CTNNA2: variants seen among roughly 807,000 people sequenced by gnomAD.
CTNNA2 encodes the protein catenin alpha-2.
CTNNA2 carries 42 observed loss-of-function variants against 101.0 expected under a neutral mutation model. The observed-to-expected ratio is 0.42, with a 90% CI of 0.32 to 0.54. CTNNA2 has a LOEUF of 0.54. CTNNA2 is among the 20% of genes least tolerant of loss of function. CTNNA2 has a pLI of 0.14. For missense variants in CTNNA2, 871 were observed against 1,223.1 expected, an observed-to-expected ratio of 0.71 and a Z score of 4.29; for synonymous variants, 450 against 456.4, an observed-to-expected ratio of 0.99 and a Z score of 0.18.
intron 7 of CTNNA2, among the ~76,000 whole-genome samples, chr2:79,978,750 A>T (rs1691047422): frequency 6.6e-6 from 1 of 152,208 alleles, no homozygotes. Flanking sequence ...TTCCTAGAGC[A>T]AAATAGTATT....
At chr2:79,242,086 T>G (rs1350515675) in intron 2 of CTNNA2, among the ~76,000 whole-genome samples, 1 of 152,048 alleles carries the variant, frequency 6.6e-6, no homozygotes, top group African/African-American at 2.4e-5. Flanking sequence ...TTTGTATTTT[T>G]TAGTAGAGAC....
chr2:80,436,918 T>C (rs528536120), intron 9 of CTNNA2, among the ~76,000 whole-genome samples: 2 of 152,262 alleles, frequency 1.3e-5, no homozygotes, highest in South Asian at 4.1e-4. Context: ...AGTCAGACAA[T>C]AGCACTCCTC....
At chr2:80,354,960 C>G (rs1170659026) in intron 7 of CTNNA2, among the ~76,000 whole-genome samples, 2 of 152,092 alleles carry the variant, frequency 1.3e-5, no homozygotes, top group Non-Finnish European at 2.9e-5. Context: ...CACTCTAATA[C>G]CTTGTACAGG....
At chr2:80,581,860 C>T (rs199701407) in intron 14 of CTNNA2, 41 bp downstream of exon 14, 19 of 1,161,858 alleles carry the variant, frequency 1.6e-5, no homozygotes, top group African/African-American at 7.5e-5. Context: ...ACACAGGGAC[C>T]GTGTTTACTA....
At chr2:80,599,813 G>T (rs1573414045) in intron 15 of CTNNA2, among the ~76,000 whole-genome samples, 1 of 151,362 alleles carries the variant, frequency 6.6e-6, no homozygotes. Context: ...TAGGGTACAC[G>T]TGCACAATGT....
chr2:80,137,529 G>A (rs533000332), intron 7 of CTNNA2, among the ~76,000 whole-genome samples: 5 of 152,200 alleles, frequency 3.3e-5, no homozygotes, highest in South Asian at 2.1e-4. Context: ...CTGGACTAGG[G>A]AGGTAATGGG....
intron 7 of CTNNA2, among the ~76,000 whole-genome samples, chr2:80,126,065 ATACTCCT>A (rs1179660510): frequency 6.6e-6 from 1 of 152,114 alleles, no homozygotes; most frequent in African/African-American, 2.4e-5. Flanking sequence ...ACATTTCCCC[ATACTCCT>A]ATATAGATTT....
chr2:79,492,733 C>T (rs1671216970), intron 4 of CTNNA2, among the ~76,000 whole-genome samples: 1 of 152,112 alleles, frequency 6.6e-6, no homozygotes, highest in Non-Finnish European at 1.5e-5. Context: ...TCCTTTGAGA[C>T]CATTATTGCC....
At chr2:79,879,331 A>T (rs1683251068) in intron 6 of CTNNA2, among the ~76,000 whole-genome samples, 1 of 151,520 alleles carries the variant, frequency 6.6e-6, no homozygotes, top group Admixed American at 6.6e-5. Context: ...AATTTAAAGT[A>T]GTTTCTTTTT....
chr2:79,422,450 A>G (rs182322776), intron 4 of CTNNA2, among the ~76,000 whole-genome samples: 219 of 152,270 alleles, frequency 1.4e-3, no homozygotes, highest in African/African-American at 4.9e-3. Context: ...CTCCACAAAA[A>G]TCTTATCCAG....
At chr2:80,321,056 A>T (rs1678626779) in intron 7 of CTNNA2, among the ~76,000 whole-genome samples, 1 of 152,244 alleles carries the variant, frequency 6.6e-6, no homozygotes, top group Admixed American at 6.5e-5. Context: ...TAAAGTTTTT[A>T]AAATATGCTA....
chr2:79,664,202 CAT>C (rs1682237064), intron 2 of CTNNA2, among the ~76,000 whole-genome samples: 1 of 152,160 alleles, frequency 6.6e-6, no homozygotes, highest in South Asian at 2.1e-4. Context: ...CATGTGTCCA[CAT>C]AGACAAAATT....
intron 1 of CTNNA2, among the ~76,000 whole-genome samples, chr2:79,584,090 G>T (rs891279207): frequency 6.6e-6 from 1 of 152,038 alleles, no homozygotes; most frequent in Non-Finnish European, 1.5e-5. Context: ...TGCCTCCATC[G>T]TAAAGTTGCC....
chr2:79,627,822 CATT>C (rs544771370), intron 1 of CTNNA2, among the ~76,000 whole-genome samples: 195 of 152,138 alleles, frequency 1.3e-3, no homozygotes, highest in South Asian at 8.5e-3. Context: ...AAAGGGTTAA[CATT>C]ATTTGTTCAA....
intron 4 of CTNNA2, among the ~76,000 whole-genome samples, chr2:79,482,856 T>C (rs561944847): frequency 1.3e-5 from 2 of 152,286 alleles, no homozygotes; most frequent in African/African-American, 2.4e-5. Flanking sequence ...AGTCTGAAGA[T>C]AGTTTTGGTG....
chr2:79,387,354 C>G (rs1678116595), intron 4 of CTNNA2, among the ~76,000 whole-genome samples: 1 of 152,168 alleles, frequency 6.6e-6, no homozygotes, highest in East Asian at 1.9e-4. Flanking sequence ...ATTTACTAAG[C>G]TTTCTATTTC....
At chr2:79,437,275 A>AT (rs1678727166) in intron 4 of CTNNA2, among the ~76,000 whole-genome samples, 1 of 152,046 alleles carries the variant, frequency 6.6e-6, no homozygotes, top group East Asian at 1.9e-4. Context: ...AGATAGATAG[A>AT]TTTATTTGTA....
chr2:80,018,558 C>T (rs1206237969), intron 7 of CTNNA2, among the ~76,000 whole-genome samples: 1 of 152,058 alleles, frequency 6.6e-6, no homozygotes, highest in Non-Finnish European at 1.5e-5. Context: ...GGGCAGATCA[C>T]GAGGTTGGGA....
chr2:79,895,070 T>C (rs1684605823), intron 6 of CTNNA2, among the ~76,000 whole-genome samples: 1 of 152,202 alleles, frequency 6.6e-6, no homozygotes, highest in South Asian at 2.1e-4. Flanking sequence ...TTAACTCTCT[T>C]AGGGCTTCTC....
Sources: allele counts gnomAD v4.1 joint callset (sites outside exome capture counted in the v4.1 genomes callset), GRCh38; gene constraint gnomAD v4.1.1; transcripts MANE v1.5; gene names NCBI Gene and HGNC (gene_info 2026-07-23, HGNC 2026-07-21).